The following ATXN7L1 variants were observed in gnomAD, a reference collection of about 807,000 sequenced individuals.
ATXN7L1 encodes ataxin 7 like 1, also known as ataxin-7-like protein 1.
ATXN7L1 carries 15 observed loss-of-function variants against 70.8 expected under a neutral mutation model. The ratio of observed to expected loss-of-function variants is 0.21; its 90% confidence interval spans 0.14 to 0.33. ATXN7L1 has a LOEUF of 0.33. ATXN7L1 is among the 10% of genes least tolerant of loss of function. The pLI, the probability that ATXN7L1 is intolerant of heterozygous loss-of-function variation, is 1.00. For missense variants in ATXN7L1, 975 were observed against 1,097.1 expected, an observed-to-expected ratio of 0.89 and a Z score of 1.57; for synonymous variants, 440 against 445.1, an observed-to-expected ratio of 0.99 and a Z score of 0.14.
intron 2 of ATXN7L1, among the ~76,000 whole-genome samples, chr7:105,817,758 A>AT (rs1376817606): frequency 6.6e-6 from 1 of 152,170 alleles, no homozygotes; most frequent in African/African-American, 2.4e-5. Context: ...TCTCTAAAAA[A>AT]TAAGAAATAA....
chr7:105,739,813 A>G (rs1235198602), intron 3 of ATXN7L1, among the ~76,000 whole-genome samples: 2 of 152,230 alleles, frequency 1.3e-5, no homozygotes, highest in Non-Finnish European at 2.9e-5. Context: ...ATTGGGGATC[A>G]GTCGGCAACA....
At chr7:105,824,612 A>G (rs990012889) in intron 2 of ATXN7L1, among the ~76,000 whole-genome samples, 1 of 152,274 alleles carries the variant, frequency 6.6e-6, no homozygotes, top group Admixed American at 6.5e-5. Context: ...CAGAAAGTAG[A>G]AACTGATAGA....
chr7:105,819,628 A>G, intron 2 of ATXN7L1: 1 of 879,796 alleles, frequency 1.1e-6, no homozygotes, highest in Non-Finnish European at 1.9e-6. Context: ...ATTTCTGGCC[A>G]TTTCTACAGA....
Position 105,729,506 on chromosome 7 carries a change from C to G in ATXN7L1, c.355+59098G>C, listed in dbSNP as rs1170389433. ...ATGCAGTGGTGCAATCTCAGCTCGC[C>G]ACAATCTCTGCCTCCTGGGTTCAAG... On this transcript the variant is annotated intron_variant, in intron 3 of 11. Coordinates refer to ENST00000419735, the MANE Select transcript of ATXN7L1 (RefSeq NM_020725.2). 3.3e-5 allele frequency among the ~76,000 whole-genome samples: 5 copies of G among 150,618 alleles called. No individual in the cohort carries two copies. In the East Asian group the frequency reaches 9.8e-4, roughly 29 times the overall value.
At chr7:105,782,408 T>G (rs1480640685) in intron 3 of ATXN7L1, among the ~76,000 whole-genome samples, 3 of 152,202 alleles carry the variant, frequency 2.0e-5, no homozygotes, top group Admixed American at 1.3e-4. Context: ...GTTTAAAAAG[T>G]GTCTAAAAGG....
intron 2 of ATXN7L1, among the ~76,000 whole-genome samples, chr7:105,804,022 C>T (rs750288497): frequency 1.3e-5 from 2 of 152,170 alleles, no homozygotes; most frequent in African/African-American, 2.4e-5. Flanking sequence ...TCTCAGTGGG[C>T]AGGACTTCTA....
In ATXN7L1 at chr7:105,613,827, A is replaced by C. The variant is rs1176234864; in HGVS notation, c.2472+35T>G. 1.3e-5 allele frequency: 20 copies of C among 1,551,710 alleles called. No individual in the cohort carries two copies. In the South Asian group the frequency reaches 2.1e-4, roughly 17 times the overall value. ...CGCTGCCCAGCTCCCCCTGCCCCCC[A>C]GAGCCGGTGAAGGCGGTGCCAGGAG... is the stretch of plus-strand genomic sequence containing the variant. On this transcript the variant is annotated intron_variant, in intron 10 of 11. Transcript: ENST00000419735.
At chr7:105,831,787 CTGA>C (rs899548560) in intron 2 of ATXN7L1, among the ~76,000 whole-genome samples, 1 of 152,070 alleles carries the variant, frequency 6.6e-6, no homozygotes, top group African/African-American at 2.4e-5. Context: ...TTGACATGGG[CTGA>C]TTTTAGCCCC....
chr7:105,646,530 G>T (rs1040345615), intron 4 of ATXN7L1, among the ~76,000 whole-genome samples: 14 of 152,046 alleles, frequency 9.2e-5, no homozygotes, highest in African/African-American at 3.4e-4. Context: ...TGATTCTCCT[G>T]TCTCAGCCTC....
At chr7:105,800,021 G>A (rs758234987) in intron 2 of ATXN7L1, among the ~76,000 whole-genome samples, 15 of 152,196 alleles carry the variant, frequency 9.9e-5, no homozygotes, top group Non-Finnish European at 7.3e-5. Flanking sequence ...CAAGCCAGTC[G>A]TATGTGCCTG....
chr7:105,773,120 T>G (rs1802241165), intron 3 of ATXN7L1, among the ~76,000 whole-genome samples: 1 of 152,232 alleles, frequency 6.6e-6, no homozygotes, highest in Non-Finnish European at 1.5e-5. Context: ...GTGGTGTGGT[T>G]TTTTTCCTAT....
intron 9 of ATXN7L1, among the ~76,000 whole-genome samples, chr7:105,619,140 G>GTTTGTTTTTTTGTTTTTT (rs1794380215): frequency 2.0e-5 from 1 of 49,846 alleles, no homozygotes; most frequent in Non-Finnish European, 3.3e-5. Flanking sequence ...GAAATCTTTA[G>GTTTGTTTTTTTGTTTTTT]TTTTTTTTTT....
chr7:105,725,620 A>G (rs1426540660), intron 3 of ATXN7L1, among the ~76,000 whole-genome samples: 2 of 147,282 alleles, frequency 1.4e-5, no homozygotes, highest in East Asian at 4.0e-4. Flanking sequence ...TCACTCTGTC[A>G]TCCAGGCTAG....
intron 3 of ATXN7L1, among the ~76,000 whole-genome samples, chr7:105,676,184 G>A (rs185866567): frequency 2.0e-5 from 3 of 152,290 alleles, no homozygotes; most frequent in African/African-American, 4.8e-5. Context: ...ATAACATGAG[G>A]CCTTTTATGG....
intron 3 of ATXN7L1, among the ~76,000 whole-genome samples, chr7:105,744,303 C>T (rs1051619861): frequency 6.6e-6 from 1 of 152,192 alleles, no homozygotes; most frequent in Admixed American, 6.5e-5. Flanking sequence ...ATCCATTTTA[C>T]ATGCACAACC....
intron 2 of ATXN7L1, among the ~76,000 whole-genome samples, chr7:105,809,645 T>A (rs1808127817): frequency 6.6e-6 from 1 of 152,214 alleles, no homozygotes; most frequent in Non-Finnish European, 1.5e-5. Context: ...TTAACGTATT[T>A]AGCCCTCACA....
intron 3 of ATXN7L1, among the ~76,000 whole-genome samples, chr7:105,683,415 C>T (rs905105981): frequency 2.0e-5 from 3 of 152,146 alleles, no homozygotes; most frequent in Admixed American, 6.5e-5. Flanking sequence ...CACAGTGGGT[C>T]ATGCCTATAA....
At chr7:105,714,224 C>T (rs1794258466) in intron 3 of ATXN7L1, among the ~76,000 whole-genome samples, 1 of 152,202 alleles carries the variant, frequency 6.6e-6, no homozygotes, top group South Asian at 2.1e-4. Flanking sequence ...TACAACTGAA[C>T]CTTCATTCTC....
chr7:105,784,033 C>G (rs1400312208), intron 3 of ATXN7L1, among the ~76,000 whole-genome samples: 1 of 152,192 alleles, frequency 6.6e-6, no homozygotes, highest in African/African-American at 2.4e-5. Context: ...ACCATCATAG[C>G]TCACTGCAAC....
Sources: allele counts gnomAD v4.1 joint callset (sites outside exome capture counted in the v4.1 genomes callset), GRCh38; gene constraint gnomAD v4.1.1; transcripts MANE v1.5; gene names NCBI Gene and HGNC (gene_info 2026-07-23, HGNC 2026-07-21).